The following PTPRD variants were observed in gnomAD, a reference collection of about 807,000 sequenced individuals.
The protein encoded by PTPRD is receptor-type tyrosine-protein phosphatase delta.
A neutral mutation model predicts 214.5 loss-of-function variants in PTPRD; 34 were observed. The ratio of observed to expected loss-of-function variants is 0.16; its 90% CI spans 0.12 to 0.21. The LOEUF is 0.21. PTPRD is among the 10% of genes least tolerant of loss of function. The probability of loss-of-function intolerance (pLI) is 1.00; values close to 1 mark genes in which losing one functional copy is unlikely to be tolerated. For synonymous variants in PTPRD, 1,128 were observed against 845.7 expected (o/e 1.33, Z -5.79); for missense variants, 2,545 against 2,398.7 (o/e 1.06, Z -1.27).
intron 10 of PTPRD, among the ~76,000 whole-genome samples, chr9:9,171,472 A>G (rs939056925): frequency 6.6e-6 from 1 of 151,786 alleles, no homozygotes; most frequent in Non-Finnish European, 1.5e-5. Flanking sequence ...GAGAAAGAGC[A>G]TGAAAAAATG....
chr9:9,915,521 T>A (rs1555328702), intron 5 of PTPRD, among the ~76,000 whole-genome samples: 1 of 150,966 alleles, frequency 6.6e-6, no homozygotes, highest in Non-Finnish European at 1.5e-5. Context: ...AGAAATTAAA[T>A]AAAGAGATAG....
chr9:10,559,405 A>C (rs184711019), intron 2 of PTPRD, among the ~76,000 whole-genome samples: 29 of 152,286 alleles, frequency 1.9e-4, no homozygotes, highest in African/African-American at 7.0e-4. Flanking sequence ...CACATTCCAA[A>C]TAATCAATGG....
At chr9:9,167,545 G>A (rs780440141) in intron 10 of PTPRD, among the ~76,000 whole-genome samples, 4 of 151,818 alleles carry the variant, frequency 2.6e-5, no homozygotes, top group African/African-American at 4.8e-5. Flanking sequence ...ACCTGAGATC[G>A]GGAGTTCGAG....
intron 3 of PTPRD, among the ~76,000 whole-genome samples, chr9:10,254,369 A>C (rs933735883): frequency 2.0e-5 from 3 of 152,176 alleles, no homozygotes; most frequent in Non-Finnish European, 2.9e-5. Flanking sequence ...TTACATAATA[A>C]AATATATTTG....
At chr9:9,956,979 A>C (rs1033165598) in intron 4 of PTPRD, among the ~76,000 whole-genome samples, 10 of 152,202 alleles carry the variant, frequency 6.6e-5, no homozygotes, top group Non-Finnish European at 1.3e-4. Flanking sequence ...TAACTAGCTA[A>C]GGGTCAGAAC....
At chr9:9,614,642 G>C (rs2094741062) in intron 7 of PTPRD, among the ~76,000 whole-genome samples, 1 of 152,110 alleles carries the variant, frequency 6.6e-6, no homozygotes, top group Non-Finnish European at 1.5e-5. Context: ...GTGCTATTTT[G>C]TAATTCTTCA....
intron 11 of PTPRD, among the ~76,000 whole-genome samples, chr9:8,769,092 C>T (rs1219873083): frequency 6.6e-6 from 1 of 152,020 alleles, no homozygotes; most frequent in Non-Finnish European, 1.5e-5. Flanking sequence ...ATGAATCACC[C>T]AAGGAAAATG....
At chr9:10,437,585 G>A (rs1010320173) in intron 2 of PTPRD, among the ~76,000 whole-genome samples, 6 of 151,680 alleles carry the variant, frequency 4.0e-5, no homozygotes, top group Non-Finnish European at 5.9e-5. Context: ...TTTAAAGCAT[G>A]AGGGTTATTT....
chr9:8,867,903 T>C (rs953163893), intron 11 of PTPRD, among the ~76,000 whole-genome samples: 47 of 152,292 alleles, frequency 3.1e-4, no homozygotes, highest in African/African-American at 9.6e-4. Flanking sequence ...CCCTGTATAA[T>C]TGAATTTTTC....
chr9:10,133,410 C>G (rs13295411), intron 3 of PTPRD, among the ~76,000 whole-genome samples: 37,031 of 152,030 alleles, frequency 0.24, 4,768 homozygotes, highest in South Asian at 0.37. Context: ...GGTGTTCCCA[C>G]CTCACATCTA....
At chr9:9,362,908 T>C (rs926723344) in intron 9 of PTPRD, among the ~76,000 whole-genome samples, 3 of 151,266 alleles carry the variant, frequency 2.0e-5, no homozygotes, top group South Asian at 4.1e-4. Flanking sequence ...ACCTTTCTTA[T>C]TGGTGTAAAG....
intron 8 of PTPRD, among the ~76,000 whole-genome samples, chr9:9,465,795 A>G (rs2094102843): frequency 6.6e-6 from 1 of 152,046 alleles, no homozygotes; most frequent in Non-Finnish European, 1.5e-5. Context: ...GGGTGGGGGA[A>G]GTGGCGATTT....
At chr9:10,529,614 T>C (rs988084865) in intron 2 of PTPRD, among the ~76,000 whole-genome samples, 1 of 150,276 alleles carries the variant, frequency 6.7e-6, no homozygotes, top group Non-Finnish European at 1.5e-5. Context: ...AAATACCTAA[T>C]GTAGATGATG....
In PTPRD at chr9:8,636,512, G is replaced by C. The variant is rs551597200; in HGVS notation, c.210+187C>G. Among the ~76,000 whole-genome samples, 3 of 152,188 alleles carry C rather than the reference G, an allele frequency of 2.0e-5. No individual in the cohort carries two copies. The East Asian group carries it at 5.8e-4, about 30-fold the overall frequency. ...CTGGCACAAGTAGAAACAAAAATCA[G>C]CCCTTGAACCCCCAAATTTCCTTTT... On this transcript the variant is annotated intron_variant, in intron 13 of 45. Transcript: ENST00000381196.
chr9:8,588,985 A>C (rs922453659), intron 14 of PTPRD, among the ~76,000 whole-genome samples: 1 of 152,170 alleles, frequency 6.6e-6, no homozygotes, highest in African/African-American at 2.4e-5. Context: ...GGTCACTATA[A>C]ACTAAAATAT....
At chr9:8,702,911 G>C (rs2098122251) in intron 12 of PTPRD, among the ~76,000 whole-genome samples, 1 of 152,116 alleles carries the variant, frequency 6.6e-6, no homozygotes, top group Non-Finnish European at 1.5e-5. Flanking sequence ...CCGGCCATAA[G>C]ATATACAATT....
At chr9:9,651,472 C>T (rs991174028) in intron 7 of PTPRD, among the ~76,000 whole-genome samples, 1 of 152,108 alleles carries the variant, frequency 6.6e-6, no homozygotes, top group African/African-American at 2.4e-5. Context: ...TTGGCTCCCA[C>T]TTGCAAGCGA....
At chr9:10,504,038 C>A (rs2044906984) in intron 2 of PTPRD, among the ~76,000 whole-genome samples, 1 of 137,006 alleles carries the variant, frequency 7.3e-6, no homozygotes, top group African/African-American at 2.6e-5. Context: ...ATGGCGTGAA[C>A]CCGGGAGGCA....
At chr9:9,890,733 AAC>A (rs1472815114) in intron 5 of PTPRD, among the ~76,000 whole-genome samples, 1 of 151,962 alleles carries the variant, frequency 6.6e-6, no homozygotes, top group African/African-American at 2.4e-5. Flanking sequence ...CATTTCCAGA[AAC>A]ACACCATCAA....
Sources: gnomAD v4.1 joint callset for allele counts (sites outside exome capture counted in the v4.1 genomes callset) on GRCh38, gnomAD v4.1.1 for gene constraint, MANE v1.5 for transcripts, NCBI Gene and HGNC (gene_info 2026-07-23, HGNC 2026-07-21) for gene names.